Variants in PTPRQ observed in about 807,000 individuals in gnomAD.
PTPRQ encodes the protein protein tyrosine phosphatase receptor type Q.
A neutral mutation model predicts 246.0 loss-of-function variants in PTPRQ; 199 were observed. That is an observed-to-expected ratio of 0.81 (90% CI 0.72 to 0.91). The LOEUF is 0.91. PTPRQ is among the 40% of genes least tolerant of loss of function. The pLI, the probability that PTPRQ is intolerant of heterozygous loss-of-function variation, is 0.00. For synonymous variants in PTPRQ, 869 were observed against 853.2 expected, an observed-to-expected ratio of 1.02 and a Z score of -0.32; for missense variants, 2,624 against 2,528.4, an observed-to-expected ratio of 1.04 and a Z score of -0.81.
At chr12:80,632,765 G>C (rs1393926287) in intron 34 of PTPRQ, among the ~76,000 whole-genome samples, 1 of 152,096 alleles carries the variant, frequency 6.6e-6, no homozygotes, top group African/African-American at 2.4e-5. Context: ...ATGACAGAGG[G>C]AAGGGGTTGG....
intron 17 of PTPRQ, 112 bp from the exon 18 acceptor site, chr12:80,533,903 T>C: frequency 2.6e-6 from 2 of 757,626 alleles, no homozygotes; most frequent in Admixed American, 8.5e-5. Flanking sequence ...TTTCTATTAA[T>C]CTAGAATAAA....
intron 17 of PTPRQ, among the ~76,000 whole-genome samples, chr12:80,526,339 A>T (rs1430925022): frequency 6.6e-6 from 1 of 152,186 alleles, no homozygotes; most frequent in Non-Finnish European, 1.5e-5. Flanking sequence ...GAATTCCAGA[A>T]ACTTTCAGAA....
At chr12:80,458,980 G>A (rs997803638) in intron 4 of PTPRQ, among the ~76,000 whole-genome samples, 24 of 151,948 alleles carry the variant, frequency 1.6e-4, no homozygotes, top group Admixed American at 5.2e-4. Flanking sequence ...AATAGTTAAG[G>A]AAATAAGAAA....
Position 80,535,697 on chromosome 12 carries a change from A to G in PTPRQ, c.2985+660A>G, listed in dbSNP as rs552228309. Among the ~76,000 whole-genome samples the G allele has an allele frequency of 9.8e-5, 15 of 152,310 alleles. No individual in the cohort carries two copies. The South Asian group carries it at 3.1e-3, about 32-fold the overall frequency. On this transcript the variant is annotated intron_variant, in intron 19 of 44. Transcript: ENST00000644991. ...CATTTACTTTGAAAAAATATTTTCA[A>G]TTTTCAACAGAATTATATTATTTCT...
intron 25 of PTPRQ, among the ~76,000 whole-genome samples, chr12:80,573,887 C>A (rs1264477642): frequency 6.6e-6 from 1 of 151,984 alleles, no homozygotes; most frequent in African/African-American, 2.4e-5. Flanking sequence ...AAATATTTTG[C>A]CATAAGGTTC....
chr12:80,619,373 T>G lies in PTPRQ; in HGVS notation c.5231-11T>G. On this transcript the variant is annotated splice_polypyrimidine_tract_variant and intron_variant, in intron 30 of 44. Coordinates refer to ENST00000644991, the MANE Select transcript of PTPRQ (RefSeq NM_001145026.2). ...ACATCAATTGCAGTGATATTTCTTC[T>G]TTGTTTATAGCTCCAGCACGACCAA... 6.5e-7 allele frequency: 1 copy of G among 1,545,188 alleles called. No homozygotes were observed. Among genetic ancestry groups the G allele is most frequent in the Non-Finnish European group, 8.7e-7 (1 of 1,143,362 alleles).
intron 25 of PTPRQ, among the ~76,000 whole-genome samples, chr12:80,568,413 T>C (rs1308657608): frequency 6.6e-6 from 1 of 152,330 alleles, no homozygotes; most frequent in East Asian, 1.9e-4. Flanking sequence ...TTGTCAAATA[T>C]CAGCAAGAGT....
At position 80,673,068 on chromosome 12, in the gene PTPRQ, A is replaced by C. The variant is rs948020260; in HGVS notation, c.6603-101A>C. The C allele has an allele frequency of 2.8e-6, 4 of 1,439,970 alleles. No individual in the cohort carries two copies. In the African/African-American group the frequency reaches 5.8e-5, roughly 21 times the overall value. 89.2% of individuals were successfully genotyped at this position (1,439,970 alleles called of 1,614,324 possible). A position where few individuals can be genotyped will look rare whatever the true frequency, so the allele number is the denominator to read the frequency against. On this transcript the variant is annotated intron_variant, in intron 42 of 44. Coordinates refer to ENST00000644991, the MANE Select transcript of PTPRQ (RefSeq NM_001145026.2). ...AAATCTGCCTCCAAATAAGAGAAGAAACTATTAGAATTTATTGCTATCATA... is the reference window on the plus strand; with the variant it reads ...AAATCTGCCTCCAAATAAGAGAAGACACTATTAGAATTTATTGCTATCATA...
chr12:80,455,544 A>G (rs1031994630), intron 3 of PTPRQ, among the ~76,000 whole-genome samples: 11 of 151,308 alleles, frequency 7.3e-5, no homozygotes, highest in Non-Finnish European at 1.3e-4. Flanking sequence ...TTTCTTGAAC[A>G]TTTACTATTT....
intron 26 of PTPRQ, among the ~76,000 whole-genome samples, chr12:80,601,905 A>G (rs1463152131): frequency 6.6e-6 from 1 of 151,826 alleles, no homozygotes; most frequent in African/African-American, 2.4e-5. Context: ...AGCAGTAAAA[A>G]GAATGAAAAT....
At chr12:80,601,121 C>T (rs1197851102) in intron 26 of PTPRQ, among the ~76,000 whole-genome samples, 1 of 151,810 alleles carries the variant, frequency 6.6e-6, no homozygotes, top group Non-Finnish European at 1.5e-5. Context: ...TAGTAACGCC[C>T]TAAGCATCTT....
chr12:80,609,159 C>G (rs1318400465), intron 27 of PTPRQ, among the ~76,000 whole-genome samples: 2 of 149,912 alleles, frequency 1.3e-5, no homozygotes, highest in Non-Finnish European at 3.0e-5. Context: ...TTTTTTATAG[C>G]AACATCTTTT....
intron 26 of PTPRQ, among the ~76,000 whole-genome samples, chr12:80,602,912 T>C (rs899966713): frequency 6.6e-6 from 1 of 151,786 alleles, no homozygotes; most frequent in African/African-American, 2.4e-5. Flanking sequence ...ATTCTGATCC[T>C]ATTTGCCTCA....
chr12:80,478,707 G>A (rs973341107), intron 8 of PTPRQ, among the ~76,000 whole-genome samples: 8 of 152,150 alleles, frequency 5.3e-5, no homozygotes, highest in Admixed American at 5.2e-4. Flanking sequence ...TATAACCAAG[G>A]CTCGAGAACT....
At chr12:80,512,987 C>T (rs1314868598) in intron 17 of PTPRQ, among the ~76,000 whole-genome samples, 1 of 152,020 alleles carries the variant, frequency 6.6e-6, no homozygotes, top group Non-Finnish European at 1.5e-5. Flanking sequence ...AGCATGCAGA[C>T]GGGCAGGCTG....
At chr12:80,585,476 G>A (rs1208549333) in intron 25 of PTPRQ, among the ~76,000 whole-genome samples, 6 of 152,090 alleles carry the variant, frequency 3.9e-5, no homozygotes, top group Non-Finnish European at 8.8e-5. Flanking sequence ...CCTTTAGTCT[G>A]TTCTCAACAC....
At chr12:80,542,602 T>G in intron 22 of PTPRQ, 128 bp from the exon 23 acceptor site, 1 of 1,211,570 alleles carries the variant, frequency 8.3e-7, no homozygotes, top group Non-Finnish European at 1.1e-6. Context: ...ATGATATTTG[T>G]TTCTGAAATT....
intron 8 of PTPRQ, among the ~76,000 whole-genome samples, chr12:80,478,194 A>G (rs12304051): frequency 0.25 from 33,699 of 133,536 alleles, 5,844 homozygotes; most frequent in African/African-American, 0.44. Context: ...AGAAAGGGGA[A>G]ACTGCCTCCT....
chr12:80,571,179 C>T lies in PTPRQ; in HGVS notation c.4286-16950C>T, dbSNP rs563135428. ...AATCTATAAATTATGGAGTCTCACT[C>T]TGTCACCCAGGCTGGGGTGCAATGG... On this transcript the variant is annotated intron_variant, in intron 25 of 44. Transcript: ENST00000644991. 7.7e-4 allele frequency among the ~76,000 whole-genome samples: 117 copies of T among 152,260 alleles called. 2 individuals carry two copies. The South Asian group carries it at 0.012, about 15-fold the overall frequency.
Sources: allele counts gnomAD v4.1 joint callset (sites outside exome capture counted in the v4.1 genomes callset), GRCh38; gene constraint gnomAD v4.1.1; transcripts MANE v1.5; gene names NCBI Gene and HGNC (gene_info 2026-07-23, HGNC 2026-07-21).